NEDD4L: variants seen among roughly 807,000 people sequenced by gnomAD.
The protein encoded by NEDD4L is E3 ubiquitin-protein ligase NEDD4-like.
In NEDD4L, 54 loss-of-function variants were observed where a neutral mutation model predicts 148.9. The ratio of observed to expected loss-of-function variants is 0.36; its 90% CI spans 0.29 to 0.45. The LOEUF (loss-of-function observed/expected upper bound fraction) is 0.45, where lower values mean the gene tolerates loss of function less well. Ranked by LOEUF, NEDD4L falls within the 20% of genes least tolerant of loss-of-function variation. The probability of loss-of-function intolerance (pLI) is 1.00; values close to 1 mark genes in which losing one functional copy is unlikely to be tolerated. For synonymous variants in NEDD4L, 433 were observed against 440.7 expected (o/e 0.98, Z 0.22); for missense variants, 856 against 1,233.8 (o/e 0.69, Z 4.59).
chr18:58,175,396 C>T (rs995474415), intron 2 of NEDD4L, among the ~76,000 whole-genome samples: 5 of 152,262 alleles, frequency 3.3e-5, no homozygotes, highest in Admixed American at 3.3e-4. Context: ...GGCATTTGGA[C>T]TTGTCCTCTG....
intron 1 of NEDD4L, among the ~76,000 whole-genome samples, chr18:58,100,875 T>G (rs533830608): frequency 6.6e-6 from 1 of 152,350 alleles, no homozygotes; most frequent in African/African-American, 2.4e-5. Flanking sequence ...GGTGCGAATA[T>G]GGCTCACTGC....
intron 2 of NEDD4L, among the ~76,000 whole-genome samples, chr18:58,234,101 CTTTTCTTTTCT>C (rs1568442969): frequency 1.3e-5 from 1 of 76,662 alleles, no homozygotes; most frequent in Non-Finnish European, 2.6e-5. Context: ...TTCTTTCTTT[CTTTTCTTTTCT>C]TTTCTTTTCC....
Position 58,325,014 on chromosome 18 carries a change from G to A in NEDD4L, c.532G>A (p.Asp178Asn). 6.2e-7 allele frequency: 1 copy of A among 1,613,792 alleles called. No individual in the cohort carries two copies. Among genetic ancestry groups the A allele is most frequent in the Non-Finnish European group, 8.5e-7 (1 of 1,179,758 alleles). Residue 178 changes from aspartate (D) to asparagine (N), a missense_variant, in exon 9 of 31, where the codon GAC becomes AAC. Asp to Asn is a conservative substitution (Grantham distance 23, BLOSUM62 1). Around this residue, in one of 4 missense-constraint regions of NEDD4L, gnomAD observed 193 missense variants for 244.2 expected, o/e 0.79. Transcript: ENST00000400345. ...TCCGCAGCATGGATGGGAAGTTGTT[G>A]ACTCAAATGACTCGGCTTCTCAGCA... is the stretch of plus-strand genomic sequence containing the variant. ...DDMEHGWEVVDSNDSASQHQE... is the reference protein window; with the variant it reads ...DDMEHGWEVVNSNDSASQHQE...
chr18:58,072,157 C>T (rs2082901410), intron 1 of NEDD4L, among the ~76,000 whole-genome samples: 4 of 152,184 alleles, frequency 2.6e-5, no homozygotes, highest in Admixed American at 2.6e-4. Flanking sequence ...CCAAAAAATA[C>T]TGGGTCACAT....
chr18:58,314,535 G>A (rs945269656), intron 5 of NEDD4L: 1 of 152,212 alleles, frequency 6.6e-6, no homozygotes, highest in Non-Finnish European at 1.5e-5. Flanking sequence ...AGGTCTGTGA[G>A]CTGGATAGCA....
At position 58,278,511 on chromosome 18, in the gene NEDD4L, C is replaced by T. The variant is rs892257560; in HGVS notation, c.297+26457C>T. Among the ~76,000 whole-genome samples, 9 of 152,220 alleles carry T rather than the reference C, an allele frequency of 5.9e-5. No homozygotes were observed. In the South Asian group the frequency reaches 1.9e-3, roughly 32 times the overall value. ...GTATGGATTTTACAGATCTTATCCTCTCCTGTTCTGCCAAAACCCCATACG... is the reference window on the plus strand; with the variant it reads ...GTATGGATTTTACAGATCTTATCCTTTCCTGTTCTGCCAAAACCCCATACG... On this transcript the variant is annotated intron_variant, in intron 5 of 30. Transcript: ENST00000400345.
At chr18:58,233,268 G>A (rs769042537) in intron 2 of NEDD4L, among the ~76,000 whole-genome samples, 4 of 152,154 alleles carry the variant, frequency 2.6e-5, no homozygotes, top group Admixed American at 6.5e-5. Flanking sequence ...GTATTAGTCC[G>A]TTTTCACGCT....
At chr18:58,115,914 A>T (rs2085794305) in intron 1 of NEDD4L, among the ~76,000 whole-genome samples, 1 of 152,250 alleles carries the variant, frequency 6.6e-6, no homozygotes, top group African/African-American at 2.4e-5. Context: ...GGCCCTAGAA[A>T]GCACTCTACG....
chr18:58,058,156 A>AT (rs1340501627), intron 1 of NEDD4L, among the ~76,000 whole-genome samples: 1 of 152,106 alleles, frequency 6.6e-6, no homozygotes, highest in Non-Finnish European at 1.5e-5. Context: ...AAATACAAAA[A>AT]TTAGCTGGGT....
chr18:58,188,743 G>A (rs1050935922), intron 2 of NEDD4L, among the ~76,000 whole-genome samples: 2 of 152,266 alleles, frequency 1.3e-5, no homozygotes, highest in African/African-American at 4.8e-5. Context: ...CTAAGCAGAT[G>A]CATATTAATG....
At position 58,341,777 on chromosome 18, in the gene NEDD4L, A is replaced by G; in HGVS notation, c.1357A>G (p.Thr453Ala). ...TCGTAGCCTCAGCTCGCCAACAGTAACTTTATCTGCCCCGCTGGAGGTGAG... is the reference window on the plus strand; with the variant it reads ...TCGTAGCCTCAGCTCGCCAACAGTAGCTTTATCTGCCCCGCTGGAGGTGAG... Reference protein sequence around the residue: ...RPRSLSSPTVTLSAPLEGAKD... With the variant: ...RPRSLSSPTVALSAPLEGAKD... Residue 453 changes from threonine (T) to alanine (A), a missense_variant, in exon 15 of 31, where the codon ACT (threonine) becomes GCT (alanine). By Grantham distance (58) the Thr-to-Ala change is moderately conservative. Around this residue, in one of 4 missense-constraint regions of NEDD4L, gnomAD observed 367 missense variants for 422.7 expected, o/e 0.87. Coordinates refer to ENST00000400345, the MANE Select transcript of NEDD4L (RefSeq NM_001144967.3). 6.2e-7 allele frequency: 1 copy of G among 1,613,458 alleles called. No individual in the cohort carries two copies. The highest frequency in any genetic ancestry group is 8.5e-7 in the Non-Finnish European group (1 of 1,179,756).
chr18:58,140,987 G>A lies in NEDD4L; in HGVS notation c.49-24801G>A, dbSNP rs750991459. On this transcript the variant is annotated intron_variant, in intron 1 of 30. Coordinates refer to ENST00000400345, the MANE Select transcript of NEDD4L (RefSeq NM_001144967.3). The stretch of plus-strand genomic sequence containing the variant: ...GGTGGGGTTTTGTGAGTTGACAGAC[G>A]TGGGTTTGAGACCCAGCTCTCCAGT... 4.6e-5 allele frequency among the ~76,000 whole-genome samples: 7 copies of A among 152,198 alleles called. No homozygotes were observed. The South Asian group carries it at 1.0e-3, about 23-fold the overall frequency.
rs146844044 is a variant in NEDD4L, at chr18:58,180,192, C to T, written c.122+14331C>T. ...CCCTGCAACGCATCCCTCTCCGAGCCGCGGTGCGCTCTTCCTCCTCTGTGC... is the reference window on the plus strand; with the variant it reads ...CCCTGCAACGCATCCCTCTCCGAGCTGCGGTGCGCTCTTCCTCCTCTGTGC... On this transcript the variant is annotated intron_variant, in intron 2 of 30. Coordinates refer to ENST00000400345, the MANE Select transcript of NEDD4L (RefSeq NM_001144967.3). Among the ~76,000 whole-genome samples the T allele has an allele frequency of 2.6e-3, 389 of 152,268 alleles. 4 individuals carry two copies. Among genetic ancestry groups the T allele is most frequent in the Admixed American group, 0.02 (311 of 15,304 alleles).
chr18:58,207,844 G>A (rs2042125844), intron 2 of NEDD4L, among the ~76,000 whole-genome samples: 1 of 152,068 alleles, frequency 6.6e-6, no homozygotes. Flanking sequence ...AGAGAAGGGA[G>A]GTATATTGAG....
chr18:58,358,732 T>C (rs928939198), intron 19 of NEDD4L, among the ~76,000 whole-genome samples: 3 of 152,226 alleles, frequency 2.0e-5, no homozygotes, highest in Middle Eastern at 3.2e-3. Flanking sequence ...TAGGTAGTTA[T>C]CAACTTAGTG....
At chr18:58,374,679 T>G (rs2047324063) in intron 24 of NEDD4L, among the ~76,000 whole-genome samples, 1 of 151,208 alleles carries the variant, frequency 6.6e-6, no homozygotes, top group South Asian at 2.1e-4. Flanking sequence ...TTGACACAAA[T>G]AGCTCACTCC....
At chr18:58,388,677 A>C (rs1318610532) in intron 27 of NEDD4L, 1 of 179,434 alleles carries the variant, frequency 5.6e-6, no homozygotes, top group Non-Finnish European at 1.2e-5. Context: ...CATAAGCACT[A>C]ATTCTTTTGT....
intron 1 of NEDD4L, among the ~76,000 whole-genome samples, chr18:58,075,656 C>T (rs1276195993): frequency 2.0e-5 from 3 of 152,008 alleles, no homozygotes; most frequent in Non-Finnish European, 4.4e-5. Context: ...CTGGGTGTGG[C>T]GCCTCATGAT....
intron 30 of NEDD4L, among the ~76,000 whole-genome samples, chr18:58,392,263 G>A (rs1028547888): frequency 6.6e-6 from 1 of 152,212 alleles, no homozygotes; most frequent in Non-Finnish European, 1.5e-5. Flanking sequence ...TTCTGCAAAG[G>A]CCTTTATTTC....
Sources: gnomAD v4.1 joint callset for allele counts (sites outside exome capture counted in the v4.1 genomes callset) on GRCh38, gnomAD v4.1.1 for gene constraint, gnomAD v4.1.1 regional missense constraint, MANE v1.5 for transcripts, NCBI Gene and HGNC (gene_info 2026-07-23, HGNC 2026-07-21) for gene names.